The following PCSK2 variants were observed in gnomAD, a reference collection of about 807,000 sequenced individuals.
PCSK2 encodes the protein proprotein convertase subtilisin/kexin type 2.
A neutral mutation model predicts 69.7 loss-of-function variants in PCSK2; 14 were observed. The ratio of observed to expected loss-of-function variants is 0.20; its 90% confidence interval spans 0.13 to 0.31. The LOEUF (loss-of-function observed/expected upper bound fraction) is 0.31, where lower values mean the gene tolerates loss of function less well. Among genes scored for constraint, PCSK2 ranks in the 10% least tolerant of loss-of-function variants. The pLI is 1.00. For synonymous variants in PCSK2, 307 were observed against 320.7 expected (o/e 0.96, Z 0.46); for missense variants, 544 against 842.5 (o/e 0.65, Z 4.39).
At chr20:17,259,236 A>T (rs1230940077) in intron 1 of PCSK2, among the ~76,000 whole-genome samples, 1 of 152,174 alleles carries the variant, frequency 6.6e-6, no homozygotes, top group Non-Finnish European at 1.5e-5. Flanking sequence ...TCTTTTGAGA[A>T]TCTGATGAAA....
chr20:17,240,602 A>G (rs944874186), intron 1 of PCSK2, among the ~76,000 whole-genome samples: 8 of 152,220 alleles, frequency 5.3e-5, no homozygotes, highest in Non-Finnish European at 1.2e-4. Context: ...TGTGCTACAC[A>G]GAGGACCTAA....
At chr20:17,464,952 C>A in intron 10 of PCSK2, 1 of 295,844 alleles carries the variant, frequency 3.4e-6, no homozygotes, top group Non-Finnish European at 6.6e-6. Context: ...AAGATACAGC[C>A]AAACAGTTTT....
chr20:17,383,551 A>T (rs2031147863), intron 5 of PCSK2, among the ~76,000 whole-genome samples: 1 of 152,242 alleles, frequency 6.6e-6, no homozygotes, highest in African/African-American at 2.4e-5. Context: ...GCAATTAACA[A>T]TAGGCCAACT....
At chr20:17,363,339 G>C (rs1345640088) in intron 4 of PCSK2, among the ~76,000 whole-genome samples, 1 of 152,212 alleles carries the variant, frequency 6.6e-6, no homozygotes, top group East Asian at 1.9e-4. Flanking sequence ...ACAAAGCAAT[G>C]TCATTTCCAC....
intron 6 of PCSK2, among the ~76,000 whole-genome samples, chr20:17,412,968 G>C (rs2031912209): frequency 6.6e-6 from 1 of 152,144 alleles, no homozygotes; most frequent in Non-Finnish European, 1.5e-5. Flanking sequence ...ATCCTTTACA[G>C]ACAAGCAAAT....
chr20:17,259,832 T>C (rs1042086974), intron 1 of PCSK2, among the ~76,000 whole-genome samples: 5 of 152,080 alleles, frequency 3.3e-5, no homozygotes, highest in Non-Finnish European at 5.9e-5. Context: ...AAGACATGAC[T>C]ACAAAACATC....
At chr20:17,236,576 T>C (rs1986346346) in intron 1 of PCSK2, among the ~76,000 whole-genome samples, 1 of 152,212 alleles carries the variant, frequency 6.6e-6, no homozygotes, top group Non-Finnish European at 1.5e-5. Flanking sequence ...CATATAAATA[T>C]TAACCTTCTA....
At chr20:17,457,085 G>C (rs1425729045) in intron 10 of PCSK2, among the ~76,000 whole-genome samples, 2 of 152,172 alleles carry the variant, frequency 1.3e-5, no homozygotes, top group Non-Finnish European at 1.5e-5. Context: ...GATTTGAGTA[G>C]CAGTGGAGGT....
chr20:17,241,118 A>G (rs1041952821), intron 1 of PCSK2, among the ~76,000 whole-genome samples: 2 of 152,216 alleles, frequency 1.3e-5, no homozygotes, highest in African/African-American at 4.8e-5. Flanking sequence ...TATATAGTGC[A>G]TGTGAGGCCG....
At chr20:17,261,132 C>T (rs1447794003) in intron 2 of PCSK2, among the ~76,000 whole-genome samples, 1 of 152,186 alleles carries the variant, frequency 6.6e-6, no homozygotes, top group Non-Finnish European at 1.5e-5. Flanking sequence ...CCCATACCTA[C>T]ACACTCATCC....
At chr20:17,333,910 C>CATATATATATATATAT (rs3076241) in intron 2 of PCSK2, among the ~76,000 whole-genome samples, 1,210 of 86,136 alleles carry the variant, frequency 0.014, 78 homozygotes, top group East Asian at 0.042. Context: ...TAAGTCACTG[C>CATATATATATATATAT]ATATATATAT....
intron 5 of PCSK2, among the ~76,000 whole-genome samples, chr20:17,386,335 A>G (rs1259620076): frequency 1.3e-5 from 2 of 152,220 alleles, no homozygotes; most frequent in African/African-American, 2.4e-5. Context: ...AGTATAAGCA[A>G]CCCAAATATC....
chr20:17,347,857 AAAG>A lies in PCSK2; in HGVS notation c.283-10468_283-10466del, dbSNP rs1568612142. Reference sequence around the variant, plus strand: ...GAAAGAAAGAAAGAAAGAAAGAAAGAAAGAGGAGAGAGAAAAAAGAAAGAAAGA... The same window carrying A: ...GAAAGAAAGAAAGAAAGAAAGAAAGAAGGAGAGAGAAAAAAGAAAGAAAGA... On this transcript the variant is annotated intron_variant, in intron 2 of 11. Coordinates refer to ENST00000262545, the MANE Select transcript of PCSK2 (RefSeq NM_002594.5). 8.6e-5 allele frequency among the ~76,000 whole-genome samples: 11 copies of A among 127,728 alleles called. 1 individual carries two copies. The East Asian group carries it at 9.5e-4, about 11-fold the overall frequency. The allele number at this position is 127,728 out of a possible 152,430, so 83.8% of individuals were successfully genotyped here. A position where few individuals can be genotyped will look rare whatever the true frequency, so the allele number is the denominator to read the frequency against.
chr20:17,332,651 G>C (rs910011841), intron 2 of PCSK2, among the ~76,000 whole-genome samples: 1 of 152,180 alleles, frequency 6.6e-6, no homozygotes, highest in Non-Finnish European at 1.5e-5. Flanking sequence ...CTGAGAGTGG[G>C]GCCCAGCAAT....
chr20:17,351,662 A>T (rs201866324), intron 2 of PCSK2, among the ~76,000 whole-genome samples: 2 of 151,140 alleles, frequency 1.3e-5, no homozygotes, highest in Admixed American at 1.3e-4. Flanking sequence ...CAAGAAAAAA[A>T]CCCTCAACAA....
At chr20:17,280,111 C>A (rs1368974058) in intron 2 of PCSK2, among the ~76,000 whole-genome samples, 1 of 151,952 alleles carries the variant, frequency 6.6e-6, no homozygotes, top group Non-Finnish European at 1.5e-5. Flanking sequence ...GTTATACATG[C>A]ACATATGGAA....
chr20:17,395,378 G>A (rs2031488111), intron 5 of PCSK2, among the ~76,000 whole-genome samples: 1 of 152,152 alleles, frequency 6.6e-6, no homozygotes, highest in Admixed American at 6.5e-5. Flanking sequence ...ACTCAGTGCT[G>A]AGTGTGCTGG....
intron 1 of PCSK2, among the ~76,000 whole-genome samples, chr20:17,229,821 T>C (rs1229582054): frequency 3.9e-5 from 6 of 152,174 alleles, no homozygotes; most frequent in African/African-American, 9.7e-5. Flanking sequence ...TTCCTGATGC[T>C]ACAGACCACA....
At chr20:17,275,936 A>G (rs1988055909) in intron 2 of PCSK2, among the ~76,000 whole-genome samples, 1 of 152,122 alleles carries the variant, frequency 6.6e-6, no homozygotes, top group Non-Finnish European at 1.5e-5. Context: ...ACATCTCACA[A>G]CCACATCTAT....
Sources: gnomAD v4.1 joint callset for allele counts (sites outside exome capture counted in the v4.1 genomes callset) on GRCh38, gnomAD v4.1.1 for gene constraint, MANE v1.5 for transcripts, NCBI Gene and HGNC (gene_info 2026-07-23, HGNC 2026-07-21) for gene names.